The following KIF2A variants were observed in gnomAD, a reference collection of about 807,000 sequenced individuals.
KIF2A encodes the protein kinesin family member 2A.
A neutral mutation model predicts 100.2 loss-of-function variants in KIF2A; 22 were observed. The ratio of observed to expected loss-of-function variants is 0.22; its 90% CI spans 0.16 to 0.31. KIF2A has a LOEUF of 0.31. Ranked by LOEUF, KIF2A falls within the 10% of genes least tolerant of loss-of-function variation. KIF2A has a pLI of 1.00. For missense variants in KIF2A, 495 were observed against 898.7 expected (o/e 0.55, Z 5.74); for synonymous variants, 268 against 285.9 (o/e 0.94, Z 0.63).
chr5:62,319,065 A>G (rs759883514), intron 1 of KIF2A, among the ~76,000 whole-genome samples: 1 of 151,886 alleles, frequency 6.6e-6, no homozygotes, highest in Non-Finnish European at 1.5e-5. Flanking sequence ...TTCTGTACCT[A>G]CCGCTATAAC....
intron 18 of KIF2A, among the ~76,000 whole-genome samples, chr5:62,375,547 A>G (rs1361755468): frequency 3.3e-5 from 5 of 152,242 alleles, no homozygotes; most frequent in Admixed American, 2.0e-4. Flanking sequence ...CCTTGTATCA[A>G]TTAAACTCAT....
chr5:62,322,085 A>G (rs79913694), intron 1 of KIF2A, among the ~76,000 whole-genome samples: 1 of 151,324 alleles, frequency 6.6e-6, no homozygotes, highest in Admixed American at 6.6e-5. Flanking sequence ...TTGCCTGGCT[A>G]ATTTTTTTTA....
chr5:62,361,368 G>C (rs1748397862), intron 10 of KIF2A, 36 bp downstream of exon 10: 3 of 1,507,422 alleles, frequency 2.0e-6, no homozygotes, highest in African/African-American at 2.7e-5. Context: ...CTGGTACGAA[G>C]CTACAGTTTC....
intron 1 of KIF2A, among the ~76,000 whole-genome samples, chr5:62,319,770 G>A (rs939161059): frequency 6.6e-6 from 1 of 152,160 alleles, no homozygotes; most frequent in African/African-American, 2.4e-5. Flanking sequence ...AATATGACAT[G>A]ACAAGGTGTG....
rs560614421 is a variant in KIF2A, at chr5:62,331,959, A to G, written c.65-15171A>G. 1.1e-4 allele frequency among the ~76,000 whole-genome samples: 17 copies of G among 152,302 alleles called. No individual in the cohort carries two copies. In the East Asian group the frequency reaches 3.3e-3, roughly 29 times the overall value. On this transcript the variant is annotated intron_variant, in intron 1 of 20. Transcript: ENST00000407818. ...ATATTCTGACTTTTAAATACTTGTA[A>G]TGAAATTTTATTAGTATTCTTGGCT...
Position 62,306,497 on chromosome 5 carries a change from A to C in KIF2A, c.25A>C (p.Ile9Leu), listed in dbSNP as rs1235554378. 6.5e-6 allele frequency: 10 copies of C among 1,546,310 alleles called. No individual in the cohort carries two copies. Among genetic ancestry groups the C allele is most frequent in the Non-Finnish European group, 8.7e-6 (10 of 1,145,064 alleles). Residue 9 changes from isoleucine (I) to leucine (L), a missense_variant, in exon 1 of 21, where the codon ATC becomes CTC. This residue lies in a region of KIF2A where 26 missense variants were observed against 16.4 expected (regional missense o/e 1.59). Transcript: ENST00000407818. ...GATGGCAACGGCCAACTTCGGCAAG[A>C]TCCAGATCGGGATTTACGTGGAGAT... MATANFGK[I>L]QIGIYVEIKR...
intron 19 of KIF2A, among the ~76,000 whole-genome samples, chr5:62,378,141 G>T (rs1442449601): frequency 6.6e-6 from 1 of 152,290 alleles, no homozygotes; most frequent in African/African-American, 2.4e-5. Context: ...AGTATCAGTT[G>T]TTGCAGAAAA....
chr5:62,340,591 C>CT (rs1747244562), intron 1 of KIF2A, among the ~76,000 whole-genome samples: 1 of 151,980 alleles, frequency 6.6e-6, no homozygotes, highest in Admixed American at 6.6e-5. Flanking sequence ...ATTGTTCTCC[C>CT]CCTAGTGGCA....
At position 62,363,311 on chromosome 5, in the gene KIF2A, A is replaced by G. The variant is rs1321929246; in HGVS notation, c.1253A>G (p.Asn418Ser). Residue 418 changes from asparagine (N) to serine (S), a missense_variant, in exon 13 of 21, where the codon AAC becomes AGC. This residue lies in a region of KIF2A where 38 missense variants were observed against 99.5 expected (regional missense o/e 0.38). Coordinates refer to ENST00000407818, the MANE Select transcript of KIF2A (RefSeq NM_001098511.3). ...EDVLKLIDIG[N>S]SCRTSGQTSA... ...GTACTGAAACTCATTGACATAGGCA[A>G]CAGTTGCAGGTAAATCTCATTTTGA... The G allele has an allele frequency of 6.2e-7, 1 of 1,612,002 alleles. No individual in the cohort carries two copies. Among genetic ancestry groups the G allele is most frequent in the Non-Finnish European group, 8.5e-7 (1 of 1,179,280 alleles).
At position 62,352,791 on chromosome 5, in the gene KIF2A, G is replaced by A. The variant is rs55951418; in HGVS notation, c.457+81G>A. ...TTGGTCATCCTTTTAAGTCCTCAAA[G>A]AGTAAACACTCTAAATACAAGCTTG... On this transcript the variant is annotated intron_variant, in intron 5 of 20. Coordinates refer to ENST00000407818, the MANE Select transcript of KIF2A (RefSeq NM_001098511.3). 0.088 allele frequency: 95,940 copies of A among 1,096,420 alleles called. 4,495 individuals carry two copies. The highest frequency in any genetic ancestry group is 0.16 in the African/African-American group (10,156 of 61,900). The allele number at this position is 1,096,420 out of a possible 1,614,324, so 67.9% of individuals were successfully genotyped here.
rs1222185701 is a variant in KIF2A at position 62,387,976 on chromosome 5, T to G, written c.*2407T>G. The G allele has an allele frequency of 6.6e-6, 1 of 152,130 alleles. No individual in the cohort carries two copies. Among genetic ancestry groups the G allele is most frequent in the African/African-American group, 2.4e-5 (1 of 41,452 alleles). 9.4% of individuals were successfully genotyped at this position (152,130 alleles called of 1,614,324 possible). On this transcript the variant is annotated 3_prime_UTR_variant, in exon 21 of 21. Transcript: ENST00000407818. ...TATCAATAAAGATATTTTTATTAAT[T>G]TTTTATAGAAACAAAATAGCTACTA...
chr5:62,350,098 C>A lies in KIF2A; in HGVS notation c.312C>A (p.Asp104Glu), dbSNP rs1037192611. 6.3e-7 allele frequency: 1 copy of A among 1,587,434 alleles called. No individual in the cohort carries two copies. The highest frequency in any genetic ancestry group is 8.6e-7 in the Non-Finnish European group (1 of 1,167,120). Residue 104 changes from aspartate (D) to glutamate (E), a missense_variant, in exon 4 of 21, where the codon GAC becomes GAA. Around this residue, in one of 10 missense-constraint regions of KIF2A, gnomAD observed 115 missense variants for 143.6 expected, o/e 0.80. Transcript: ENST00000407818. ...GGACTGTAGCTTCTATTAAGAATGA[C>A]CCTCCTTCAAGAGATAATAGAGGTA... ...NRRTVASIKN[D>E]PPSRDNRVVG...
chr5:62,388,789 T>G lies in KIF2A; in HGVS notation c.*3220T>G, dbSNP rs1742156461. The G allele has an allele frequency of 1.8e-6, 1 of 560,572 alleles. No individual in the cohort carries two copies. The highest frequency in any genetic ancestry group is 3.2e-6 in the Non-Finnish European group (1 of 312,026). The allele number at this position is 560,572 out of a possible 1,614,324, so 34.7% of individuals were successfully genotyped here. A position where few individuals can be genotyped will look rare whatever the true frequency, so the allele number is the denominator to read the frequency against. ...TGCGGCTCCTGAACTTGAAGATTAT[T>G]ATGAATAGATTGGACCAGCATTATA... On this transcript the variant is annotated 3_prime_UTR_variant, in exon 21 of 21. Coordinates refer to ENST00000407818, the MANE Select transcript of KIF2A (RefSeq NM_001098511.3).
rs1339933269 is a variant in KIF2A, at chr5:62,390,988, A to G, written c.*5419A>G. On this transcript the variant is annotated 3_prime_UTR_variant, in exon 21 of 21. Coordinates refer to ENST00000407818, the MANE Select transcript of KIF2A (RefSeq NM_001098511.3). Reference sequence around the variant, plus strand: ...CTGAAATCTTCTGGTATTATCTATCAATATAAGATTCAGAATAAATGAACG... The same window carrying G: ...CTGAAATCTTCTGGTATTATCTATCGATATAAGATTCAGAATAAATGAACG... 6.2e-7 allele frequency: 1 copy of G among 1,609,218 alleles called. No individual in the cohort carries two copies. Among genetic ancestry groups the G allele is most frequent in the East Asian group, 2.2e-5 (1 of 44,854 alleles).
At chr5:62,354,939 C>T (rs761183259) in intron 6 of KIF2A, among the ~76,000 whole-genome samples, 1 of 151,874 alleles carries the variant, frequency 6.6e-6, no homozygotes, top group Non-Finnish European at 1.5e-5. Flanking sequence ...GAATGCATAC[C>T]GACTAAGAGA....
Position 62,306,380 on chromosome 5 carries a change from G to T in KIF2A, c.-93G>T. The T allele has an allele frequency of 1.0e-6, 1 of 976,100 alleles. No individual in the cohort carries two copies. The highest frequency in any genetic ancestry group is 2.9e-5 in the East Asian group (1 of 34,850). 60.5% of individuals were successfully genotyped at this position (976,100 alleles called of 1,614,324 possible). A position where few individuals can be genotyped will look rare whatever the true frequency, so the allele number is the denominator to read the frequency against. The stretch of plus-strand genomic sequence containing the variant: ...CGGGCCGGCGCGGCCGCGGGCAACC[G>T]CTCCCCCTCCCACACCTACCCCGCC... On this transcript the variant is annotated 5_prime_UTR_variant, in exon 1 of 21. Transcript: ENST00000407818.
intron 1 of KIF2A, among the ~76,000 whole-genome samples, chr5:62,324,093 C>T (rs1349795850): frequency 2.0e-5 from 3 of 152,070 alleles, no homozygotes; most frequent in Non-Finnish European, 4.4e-5. Flanking sequence ...CAAAATGCCT[C>T]TGCACAGAAT....
intron 13 of KIF2A, 134 bp downstream of exon 13, chr5:62,363,454 T>A: frequency 1.2e-6 from 1 of 817,166 alleles, no homozygotes; most frequent in Non-Finnish European, 1.9e-6. Flanking sequence ...GTGTTACATG[T>A]AAATGTGAGT....
In KIF2A at chr5:62,389,485, C is replaced by CAAAAAAAAAAAAAAAAAAAAAAAAAAAAA. The variant is rs775533413; in HGVS notation, c.*3932_*3933insAAAAAAAAAAAAAAAAAAAAAAAAAAAAA. Among the ~76,000 whole-genome samples, 3 of 75,916 alleles carry CAAAAAAAAAAAAAAAAAAAAAAAAAAAAA rather than the reference C, an allele frequency of 4.0e-5. No individual in the cohort carries two copies. The highest frequency in any genetic ancestry group is 1.5e-4 in the Admixed American group (1 of 6,476). The allele number at this position is 75,916 out of a possible 152,430, so 49.8% of individuals were successfully genotyped here. On this transcript the variant is annotated 3_prime_UTR_variant, in exon 21 of 21. Transcript: ENST00000407818. ...TGGGTGACAGAGCAAGACTCTGTCT[C>CAAAAAAAAAAAAAAAAAAAAAAAAAAAAA]AAAAAAAAAAAAAAAAGAAATGTTA...
Sources: allele counts gnomAD v4.1 joint callset (sites outside exome capture counted in the v4.1 genomes callset), GRCh38; gene constraint gnomAD v4.1.1; regional missense constraint gnomAD v4.1.1; transcripts MANE v1.5; gene names NCBI Gene and HGNC (gene_info 2026-07-23, HGNC 2026-07-21).